DPF2: variants seen among roughly 807,000 people sequenced by gnomAD.
The protein encoded by DPF2 is double PHD fingers 2, also known as zinc finger protein ubi-d4.
In DPF2, 10 loss-of-function variants were observed where a neutral mutation model predicts 59.6. The ratio of observed to expected loss-of-function variants is 0.17; its 90% CI spans 0.10 to 0.28. DPF2 has a LOEUF of 0.28. DPF2 is among the 10% of genes least tolerant of loss of function. The pLI is 1.00. For missense variants in DPF2, 315 were observed against 509.4 expected, an observed-to-expected ratio of 0.62 and a Z score of 3.67; for synonymous variants, 189 against 190.6, an observed-to-expected ratio of 0.99 and a Z score of 0.07.
In DPF2 at chr11:65,351,738, C is replaced by T; in HGVS notation, c.1155C>T (p.Tyr385=). Residue 385 remains tyrosine (Y), a synonymous_variant, in exon 11 of 11, where the codon TAC becomes TAT. Coordinates refer to ENST00000528416, the MANE Select transcript of DPF2 (RefSeq NM_006268.5). ...LDLLKEKASI[Y]QNQNSS ...TGTTGAAAGAGAAAGCTTCCATCTA[C>T]CAGAACCAGAACTCCTCTTGATGTG... The T allele has an allele frequency of 1.2e-6, 2 of 1,613,422 alleles. No individual in the cohort carries two copies. The highest frequency in any genetic ancestry group is 1.1e-5 in the South Asian group (1 of 91,044).
chr11:65,343,490 T>G, intron 4 of DPF2: 1 of 495,148 alleles, frequency 2.0e-6, no homozygotes, highest in Non-Finnish European at 3.6e-6. Flanking sequence ...TGCTATTTGA[T>G]TTGGCCATGT....
Position 65,341,092 on chromosome 11 carries a change from G to C in DPF2, c.301+19G>C. ...AAGCCAGGTAAGGCACATACTTCCT[G>C]AGCAGAGGCGTGGCCTGCTGCATGG... is the stretch of plus-strand genomic sequence containing the variant. On this transcript the variant is annotated intron_variant, in intron 3 of 10. Transcript: ENST00000528416. 1 of 1,612,536 alleles carries C rather than the reference G, an allele frequency of 6.2e-7. No homozygotes were observed. The highest frequency in any genetic ancestry group is 8.5e-7 in the Non-Finnish European group (1 of 1,179,060).
intron 1 of DPF2, among the ~76,000 whole-genome samples, chr11:65,334,789 T>TAG (rs1950074055): frequency 6.6e-6 from 1 of 152,176 alleles, no homozygotes; most frequent in Non-Finnish European, 1.5e-5. Context: ...GGTGGGCGAA[T>TAG]AGAGCTTCTT....
chr11:65,348,942 C>T lies in DPF2; in HGVS notation c.1099+11C>T. ...CTGAGCCCCCTGAAGGTAAGTTGCC[C>T]AGATCTTTTACTCAGAACAATTACT... On this transcript the variant is annotated intron_variant, in intron 10 of 10. Transcript: ENST00000528416. 6.2e-7 allele frequency: 1 copy of T among 1,613,984 alleles called. No individual in the cohort carries two copies. The highest frequency in any genetic ancestry group is 8.5e-7 in the Non-Finnish European group (1 of 1,179,878).
chr11:65,354,259 A>G lies in DPF2; in HGVS notation c.*2500A>G, dbSNP rs1019134070. On this transcript the variant is annotated 3_prime_UTR_variant, in exon 11 of 11. Coordinates refer to ENST00000528416, the MANE Select transcript of DPF2 (RefSeq NM_006268.5). ...AAATCTAATAAAATACTCGTCCTAAATCATTACTGGCCCAAGCATGCAGTG... is the reference window on the plus strand; with the variant it reads ...AAATCTAATAAAATACTCGTCCTAAGTCATTACTGGCCCAAGCATGCAGTG... 2.0e-5 allele frequency among the ~76,000 whole-genome samples: 3 copies of G among 152,216 alleles called. No individual in the cohort carries two copies. The highest frequency in any genetic ancestry group is 4.4e-5 in the Non-Finnish European group (3 of 68,032).
chr11:65,343,484 A>G (rs1384012359), intron 4 of DPF2: 5 of 472,838 alleles, frequency 1.1e-5, no homozygotes, highest in Non-Finnish European at 1.9e-5. Flanking sequence ...GAAGCATGCT[A>G]TTTGATTTGG....
rs1193653177 is a variant in DPF2, at chr11:65,354,002, G to T, written c.*2243G>T. 6.6e-6 allele frequency among the ~76,000 whole-genome samples: 1 copy of T among 152,176 alleles called. No homozygotes were observed. The highest frequency in any genetic ancestry group is 1.9e-4 in the East Asian group (1 of 5,200). On this transcript the variant is annotated 3_prime_UTR_variant, in exon 11 of 11. Transcript: ENST00000528416. ...TTTAGGAAGGGTTTGCGGGAGGTAG[G>T]ATTTGAGATGGGTCTTGGAGAGTTG...
At chr11:65,341,149 G>A in intron 3 of DPF2, 76 bp downstream of exon 3, 1 of 1,483,470 alleles carries the variant, frequency 6.7e-7, no homozygotes, top group Non-Finnish European at 9.3e-7. Context: ...GATATACCAG[G>A]CCCAGTACTA....
At chr11:65,343,476 A>AGCAT (rs879848881) in intron 4 of DPF2, 159 of 470,824 alleles carry the variant, frequency 3.4e-4, no homozygotes, top group Admixed American at 2.7e-3. Context: ...ACCTTTTGGA[A>AGCAT]GCATGCTATT....
chr11:65,346,226 C>G (rs1449951658), intron 8 of DPF2, 21 bp from the exon 9 acceptor site: 2 of 1,612,744 alleles, frequency 1.2e-6, no homozygotes, highest in Admixed American at 1.7e-5. Flanking sequence ...CTGTCTGTCT[C>G]ACTCACTTCC....
chr11:65,341,159 A>G, intron 3 of DPF2, 86 bp downstream of exon 3: 1 of 1,421,812 alleles, frequency 7.0e-7, no homozygotes, highest in Non-Finnish European at 9.8e-7. Flanking sequence ...GCCCAGTACT[A>G]GATCCCAAAT....
rs1565547882 is a variant in DPF2, at chr11:65,354,099, G to A, written c.*2340G>A. ...GAAGGCAGAGGATGCGGAGCTGTGA[G>A]CGGAGGGAGCAGCGAGGCTGGAGAG... On this transcript the variant is annotated 3_prime_UTR_variant, in exon 11 of 11. Transcript: ENST00000528416. 6.6e-6 allele frequency among the ~76,000 whole-genome samples: 1 copy of A among 152,220 alleles called. No homozygotes were observed. The highest frequency in any genetic ancestry group is 6.5e-5 in the Admixed American group (1 of 15,292).
intron 2 of DPF2, 43 bp from the exon 3 acceptor site, chr11:65,340,923 A>T (rs1196903472): frequency 6.3e-7 from 1 of 1,591,072 alleles, no homozygotes; most frequent in Non-Finnish European, 8.6e-7. Context: ...TTACTTTCTA[A>T]TACTGGGTTA....
At chr11:65,346,142 C>T in intron 8 of DPF2, 84 bp downstream of exon 8, 2 of 1,598,272 alleles carry the variant, frequency 1.3e-6, no homozygotes, top group South Asian at 1.1e-5. Flanking sequence ...TCATAACCAG[C>T]CCACCTCGCT....
chr11:65,347,284 G>A (rs1370469998), intron 9 of DPF2: 2 of 151,982 alleles, frequency 1.3e-5, no homozygotes, highest in African/African-American at 2.4e-5. Flanking sequence ...AAAGTGCTGG[G>A]ATTATAGGCG....
chr11:65,349,975 A>G (rs1217660942), intron 10 of DPF2, among the ~76,000 whole-genome samples: 1 of 152,140 alleles, frequency 6.6e-6, no homozygotes, highest in Non-Finnish European at 1.5e-5. Context: ...CCTCTAGAGA[A>G]TGAGGCCCCT....
chr11:65,343,668 G>A, intron 4 of DPF2, 77 bp from the exon 5 acceptor site: 1 of 1,408,034 alleles, frequency 7.1e-7, no homozygotes, highest in East Asian at 2.5e-5. Flanking sequence ...GGTTCTGGGT[G>A]GCCTTGGCCA....
chr11:65,344,293 G>A (rs555275603), intron 6 of DPF2: 2 of 622,040 alleles, frequency 3.2e-6, no homozygotes, highest in African/African-American at 1.8e-5. Context: ...CATCCTCTGG[G>A]GTAGGGTTGC....
At chr11:65,337,473 AAATATAT>A (rs1297099344) in intron 1 of DPF2, among the ~76,000 whole-genome samples, 179 of 43,666 alleles carry the variant, frequency 4.1e-3, no homozygotes, top group African/African-American at 4.9e-3. Flanking sequence ...AAAAAAAAAA[AAATATAT>A]ATATATATAT....
Sources: gnomAD v4.1 joint callset for allele counts (sites outside exome capture counted in the v4.1 genomes callset) on GRCh38, gnomAD v4.1.1 for gene constraint, MANE v1.5 for transcripts, NCBI Gene and HGNC (gene_info 2026-07-23, HGNC 2026-07-21) for gene names.